The following CDC7 variants were observed in gnomAD, a reference collection of about 807,000 sequenced individuals.
The protein encoded by CDC7 is cell division cycle 7, also known as cell division cycle 7-related protein kinase.
CDC7 carries 34 observed loss-of-function variants against 53.5 expected under a neutral mutation model. That is an observed-to-expected ratio of 0.64 (90% confidence interval 0.48 to 0.85). The LOEUF is 0.85. Ranked by LOEUF, CDC7 falls within the 40% of genes least tolerant of loss-of-function variation. The pLI is 0.00. For missense variants in CDC7, 594 were observed against 679.7 expected (o/e 0.87, Z 1.40); for synonymous variants, 211 against 222.8 (o/e 0.95, Z 0.47).
At chr1:91,521,015 C>T (rs1667913968) in intron 11 of CDC7, among the ~76,000 whole-genome samples, 1 of 152,136 alleles carries the variant, frequency 6.6e-6, no homozygotes. Flanking sequence ...TTTCCACGCT[C>T]AGTTATAGTT....
intron 10 of CDC7, among the ~76,000 whole-genome samples, chr1:91,518,855 C>T (rs569120252): frequency 3.3e-5 from 5 of 152,004 alleles, no homozygotes; most frequent in East Asian, 1.9e-4. Context: ...AGCTCAGGCA[C>T]TCGAGACCAG....
chr1:91,516,167 T>C (rs1667548024), intron 10 of CDC7, among the ~76,000 whole-genome samples: 1 of 151,980 alleles, frequency 6.6e-6, no homozygotes, highest in Admixed American at 6.6e-5. Flanking sequence ...ACGCAAAATG[T>C]AATCTGTGGA....
At chr1:91,513,869 C>A in intron 7 of CDC7, 79 bp from the exon 8 acceptor site, 1 of 1,043,848 alleles carries the variant, frequency 9.6e-7, no homozygotes, top group Non-Finnish European at 1.5e-6. Context: ...TTAACTCTTT[C>A]AAAACTATGG....
At chr1:91,515,404 G>T (rs1001044228) in intron 9 of CDC7, among the ~76,000 whole-genome samples, 2 of 151,900 alleles carry the variant, frequency 1.3e-5, no homozygotes, top group African/African-American at 4.8e-5. Flanking sequence ...TTCCTTCAAG[G>T]CTTGGCTTTC....
chr1:91,515,003 G>A lies in CDC7; in HGVS notation c.1097+6G>A, dbSNP rs979047910. 3.7e-6 allele frequency: 6 copies of A among 1,604,366 alleles called. No homozygotes were observed. The highest frequency in any genetic ancestry group is 5.1e-6 in the Non-Finnish European group (6 of 1,176,464). ...TGTAGTATTTGCCTTTCAAGGTAAT[G>A]TGTTTTGATGGTGTTATAAAATCAC... On this transcript the variant is annotated splice_donor_region_variant and intron_variant, in intron 9 of 11. Transcript: ENST00000234626.
intron 1 of CDC7, 80 bp from the exon 2 acceptor site, chr1:91,501,574 C>T (rs1332533285): frequency 8.8e-6 from 6 of 678,912 alleles, no homozygotes; most frequent in Non-Finnish European, 1.6e-5. Flanking sequence ...AAATGTTTGC[C>T]CCTTTGGGGG....
chr1:91,515,087 G>C (rs1452027767), intron 9 of CDC7, 90 bp downstream of exon 9: 1 of 963,600 alleles, frequency 1.0e-6, no homozygotes, highest in Admixed American at 2.2e-5. Flanking sequence ...GAGTGCAAGG[G>C]ATCAGTTCAG....
chr1:91,511,030 C>G (rs751161839), intron 4 of CDC7, among the ~76,000 whole-genome samples: 3 of 152,066 alleles, frequency 2.0e-5, no homozygotes, highest in Admixed American at 6.6e-5. Context: ...AAGGCTTAGT[C>G]CCTTGTCTAG....
intron 4 of CDC7, 81 bp downstream of exon 4, chr1:91,508,478 G>T: frequency 9.6e-7 from 1 of 1,036,274 alleles, no homozygotes; most frequent in South Asian, 1.7e-5. Context: ...GGGATGAGGG[G>T]ATTATATGTG....
chr1:91,516,413 T>C (rs1034612641), intron 10 of CDC7, among the ~76,000 whole-genome samples: 1 of 152,184 alleles, frequency 6.6e-6, no homozygotes, highest in African/African-American at 2.4e-5. Flanking sequence ...GGAGCTGGAA[T>C]CCAGGAAACA....
chr1:91,514,557 A>G (rs980925536), intron 8 of CDC7, among the ~76,000 whole-genome samples: 2 of 152,218 alleles, frequency 1.3e-5, no homozygotes, highest in Non-Finnish European at 1.5e-5. Flanking sequence ...TACTTCTGTA[A>G]TATATCAGGA....
intron 7 of CDC7, among the ~76,000 whole-genome samples, 184 bp downstream of exon 7, chr1:91,513,491 T>C (rs1325359698): frequency 6.6e-6 from 1 of 152,208 alleles, no homozygotes; most frequent in Non-Finnish European, 1.5e-5. Flanking sequence ...TGGTTACTAT[T>C]TTAAAACTAA....
intron 1 of CDC7, 95 bp from the exon 2 acceptor site, chr1:91,501,559 T>C: frequency 1.5e-6 from 1 of 652,706 alleles, no homozygotes; most frequent in East Asian, 2.5e-5. Context: ...ACATCGTGCG[T>C]TTGAAAATGT....
chr1:91,522,438 AT>A (rs925769872), intron 11 of CDC7, among the ~76,000 whole-genome samples: 3 of 152,204 alleles, frequency 2.0e-5, no homozygotes, highest in Non-Finnish European at 1.5e-5. Context: ...ATTGTGTTGA[AT>A]AAATTAAAAA....
At chr1:91,511,249 T>C (rs1471809999) in intron 4 of CDC7, among the ~76,000 whole-genome samples, 2 of 152,160 alleles carry the variant, frequency 1.3e-5, no homozygotes, top group East Asian at 3.8e-4. Flanking sequence ...TCCTGGCTCA[T>C]TGATCTATTA....
rs1667094288 is a variant in CDC7, at chr1:91,508,257, T to C, written c.200-5T>C. On this transcript the variant is annotated splice_region_variant and splice_polypyrimidine_tract_variant and intron_variant, in intron 3 of 11. Transcript: ENST00000234626. ...TATTGAAAAATTTAATAAATTGTTT[T>C]ACAGGCACTTTCAGCTCTGTTTATT... The C allele has an allele frequency of 1.3e-6, 2 of 1,579,922 alleles. No homozygotes were observed. Among genetic ancestry groups the C allele is most frequent in the East Asian group, 2.3e-5 (1 of 44,434 alleles).
intron 2 of CDC7, among the ~76,000 whole-genome samples, chr1:91,502,347 G>T (rs922639057): frequency 2.6e-5 from 4 of 152,142 alleles, no homozygotes; most frequent in Admixed American, 2.0e-4. Flanking sequence ...TTGTACACTC[G>T]CATGTGTACC....
At position 91,524,930 on chromosome 1, in the gene CDC7, T is replaced by C. The variant is rs12125947; in HGVS notation, c.*495T>C. 58,723 of 152,112 alleles carry C rather than the reference T, an allele frequency of 0.39. 12,470 individuals are homozygous for C. The highest frequency in any genetic ancestry group is 0.48 in the Non-Finnish European group (32,701 of 68,042). The allele number at this position is 152,112 out of a possible 1,614,324, so 9.4% of individuals were successfully genotyped here. On this transcript the variant is annotated 3_prime_UTR_variant, in exon 12 of 12. Coordinates refer to ENST00000234626, the MANE Select transcript of CDC7 (RefSeq NM_003503.4). ...TTTCTAGAGGTACATATTAGGCCTT[T>C]TATGAACACTAAAACAATGAGGAAA...
Position 91,513,609 on chromosome 1 carries a change from T to A in CDC7, c.822+302T>A, listed in dbSNP as rs1667402158. On this transcript the variant is annotated intron_variant, in intron 7 of 11. Coordinates refer to ENST00000234626, the MANE Select transcript of CDC7 (RefSeq NM_003503.4). ...TCCCTGCATGTTAAAAAGTTCAGAT[T>A]AATTATCCTTTTTAAAAGAAAGCAT... 2.6e-5 allele frequency among the ~76,000 whole-genome samples: 4 copies of A among 152,332 alleles called. No individual in the cohort carries two copies. In the South Asian group the frequency reaches 8.3e-4, roughly 32 times the overall value.
Sources: gnomAD v4.1 joint callset for allele counts (sites outside exome capture counted in the v4.1 genomes callset) on GRCh38, gnomAD v4.1.1 for gene constraint, MANE v1.5 for transcripts, NCBI Gene and HGNC (gene_info 2026-07-23, HGNC 2026-07-21) for gene names.